Variants in FERMT2 observed in about 807,000 individuals in gnomAD.
The protein encoded by FERMT2 is FERM domain containing kindlin 2.
A neutral mutation model predicts 82.7 loss-of-function variants in FERMT2; 15 were observed. The ratio of observed to expected loss-of-function variants is 0.18; its 90% CI spans 0.12 to 0.28. The LOEUF is 0.28. FERMT2 is among the 10% of genes least tolerant of loss of function. The pLI, the probability that FERMT2 is intolerant of heterozygous loss-of-function variation, is 1.00. For missense variants in FERMT2, 645 were observed against 809.4 expected, an observed-to-expected ratio of 0.80 and a Z score of 2.46; for synonymous variants, 274 against 271.5, an observed-to-expected ratio of 1.01 and a Z score of -0.09.
intron 2 of FERMT2, among the ~76,000 whole-genome samples, chr14:52,929,791 A>G (rs944630427): frequency 3.9e-5 from 6 of 152,092 alleles, no homozygotes; most frequent in African/African-American, 1.4e-4. Context: ...TCACTGATCA[A>G]AATTTATATT....
chr14:52,897,853 G>GT (rs941531377), intron 3 of FERMT2, among the ~76,000 whole-genome samples: 19 of 151,820 alleles, frequency 1.3e-4, no homozygotes, highest in Middle Eastern at 3.4e-3. Flanking sequence ...GCGCATGCCT[G>GT]TAATTCCAGC....
intron 2 of FERMT2, among the ~76,000 whole-genome samples, chr14:52,947,108 G>A (rs573950322): frequency 1.3e-5 from 2 of 152,264 alleles, no homozygotes; most frequent in African/African-American, 4.8e-5. Flanking sequence ...ATTCCCCAAA[G>A]CCCACTTCAT....
In FERMT2 at chr14:52,893,308, T is replaced by C; in HGVS notation, c.511A>G (p.Ile171Val). ...DEALELEGPLITPGSGSIYSS... is the reference protein window; with the variant it reads ...DEALELEGPLVTPGSGSIYSS... ...AAAGTCTTACCTGATCCAGGAGTGA[T>C]AAGAGGCCCCTCTAATTCAAGTGCC... The change falls in exon 4 of 15, where the codon ATC becomes GTC. Residue 171 changes from isoleucine (I) to valine (V), a missense_variant. Ile to Val is a conservative substitution (Grantham distance 29). Transcript: ENST00000341590. 2 of 1,608,066 alleles carry C rather than the reference T, an allele frequency of 1.2e-6. No individual in the cohort carries two copies. Among genetic ancestry groups the C allele is most frequent in the Non-Finnish European group, 1.7e-6 (2 of 1,178,502 alleles).
intron 2 of FERMT2, among the ~76,000 whole-genome samples, chr14:52,940,469 C>G (rs1334937638): frequency 5.3e-5 from 8 of 152,106 alleles, no homozygotes; most frequent in Non-Finnish European, 1.0e-4. Context: ...TCATAATATT[C>G]TCAAAGAAGG....
chr14:52,904,725 TG>T (rs911718438), intron 3 of FERMT2, among the ~76,000 whole-genome samples: 1 of 132,936 alleles, frequency 7.5e-6, no homozygotes, highest in African/African-American at 2.9e-5. Flanking sequence ...CAAACCAGCC[TG>T]GGAAATATGA....
At chr14:52,948,489 A>G (rs1890463288) in intron 2 of FERMT2, 5 of 424,188 alleles carry the variant, frequency 1.2e-5, no homozygotes, top group Admixed American at 2.9e-5. Flanking sequence ...TTTGGAATTC[A>G]AAATATAAGA....
At chr14:52,933,931 C>T (rs928734107) in intron 2 of FERMT2, among the ~76,000 whole-genome samples, 4 of 152,034 alleles carry the variant, frequency 2.6e-5, no homozygotes, top group Non-Finnish European at 5.9e-5. Context: ...GCACCTTTTC[C>T]TTTCCCCCTT....
chr14:52,939,804 CT>C (rs112826656), intron 2 of FERMT2, among the ~76,000 whole-genome samples: 3,439 of 152,178 alleles, frequency 0.023, 123 homozygotes, highest in African/African-American at 0.078. Context: ...GAATCATCTG[CT>C]TTTTTCAAGT....
chr14:52,890,591 A>T (rs1006033636), intron 4 of FERMT2, among the ~76,000 whole-genome samples: 2 of 147,228 alleles, frequency 1.4e-5, no homozygotes, highest in Non-Finnish European at 3.0e-5. Context: ...TATTACATAG[A>T]CATAATCTTT....
At chr14:52,908,744 G>C (rs1039139340) in intron 3 of FERMT2, among the ~76,000 whole-genome samples, 1 of 152,134 alleles carries the variant, frequency 6.6e-6, no homozygotes, top group Non-Finnish European at 1.5e-5. Flanking sequence ...TTGCCATTAC[G>C]ATTATTTTGC....
In FERMT2 at chr14:52,858,148, A is replaced by C. The variant is rs1192257205; in HGVS notation, c.*229T>G. The C allele has an allele frequency of 2.1e-6, 1 of 466,678 alleles. No homozygotes were observed. Among genetic ancestry groups the C allele is most frequent in the Non-Finnish European group, 3.9e-6 (1 of 259,488 alleles). 28.9% of individuals were successfully genotyped at this position (466,678 alleles called of 1,614,324 possible). A position where few individuals can be genotyped will look rare whatever the true frequency, so the allele number is the denominator to read the frequency against. ...TGATTTGCCCACTATTTCAGTTTTC[A>C]ATTCATGGCCCTAAGGAATGTGTGA... is the stretch of plus-strand genomic sequence containing the variant. On this transcript the variant is annotated 3_prime_UTR_variant, in exon 15 of 15. Transcript: ENST00000341590.
chr14:52,928,591 A>G (rs912513345), intron 2 of FERMT2, among the ~76,000 whole-genome samples: 12 of 152,212 alleles, frequency 7.9e-5, no homozygotes, highest in African/African-American at 2.9e-4. Flanking sequence ...TATTAAACTT[A>G]GAGGACTTTT....
intron 3 of FERMT2, among the ~76,000 whole-genome samples, chr14:52,905,165 G>T (rs1388215106): frequency 1.3e-5 from 2 of 148,442 alleles, no homozygotes; most frequent in African/African-American, 5.0e-5. Flanking sequence ...CTCCAGCCTG[G>T]GGAACAGAGC....
At chr14:52,893,545 T>G in intron 3 of FERMT2, 118 bp from the exon 4 acceptor site, 1 of 746,858 alleles carries the variant, frequency 1.3e-6, no homozygotes, top group Non-Finnish European at 2.1e-6. Context: ...CTGAGTTGTG[T>G]CAGACATTGA....
At chr14:52,893,229 A>G (rs1887055137) in intron 4 of FERMT2, 64 bp downstream of exon 4, 51 of 1,420,468 alleles carry the variant, frequency 3.6e-5, no homozygotes, top group Non-Finnish European at 6.5e-6. Context: ...ACCCACCACC[A>G]GAAAGACAAA....
At chr14:52,935,209 T>C (rs888755415) in intron 2 of FERMT2, among the ~76,000 whole-genome samples, 2 of 152,214 alleles carry the variant, frequency 1.3e-5, no homozygotes, top group Admixed American at 6.5e-5. Flanking sequence ...GTTTTTAATC[T>C]GCTAGCAGAA....
chr14:52,950,696 C>G, intron 1 of FERMT2, 119 bp from the exon 2 acceptor site: 1 of 1,019,616 alleles, frequency 9.8e-7, no homozygotes, highest in Non-Finnish European at 1.4e-6. Context: ...GGGCTTTCGG[C>G]AGAAACTCGG....
chr14:52,877,574 CTTTTT>C (rs34676786), intron 7 of FERMT2, among the ~76,000 whole-genome samples: 8 of 67,062 alleles, frequency 1.2e-4, no homozygotes, highest in South Asian at 8.1e-4. Flanking sequence ...GCTGTTCTTG[CTTTTT>C]TTTTTTTTTT....
intron 3 of FERMT2, among the ~76,000 whole-genome samples, chr14:52,910,280 AC>A (rs1361229124): frequency 6.6e-6 from 1 of 152,216 alleles, no homozygotes; most frequent in African/African-American, 2.4e-5. Flanking sequence ...TAAGGCTAGA[AC>A]AGAAAGAGAA....
Sources: gnomAD v4.1 joint callset for allele counts (sites outside exome capture counted in the v4.1 genomes callset) on GRCh38, gnomAD v4.1.1 for gene constraint, MANE v1.5 for transcripts, NCBI Gene and HGNC (gene_info 2026-07-23, HGNC 2026-07-21) for gene names.